Variants in TPRX1 observed in about 807,000 individuals in gnomAD.
TPRX1 encodes tetra-peptide repeat homeobox protein 1.
TPRX1 carries 2 observed loss-of-function variants against 8.1 expected under a neutral mutation model. That is an observed-to-expected ratio of 0.25 (90% confidence interval 0.10 to 0.78). The LOEUF (loss-of-function observed/expected upper bound fraction) is 0.78. Among genes scored for constraint, TPRX1 ranks in the 30% least tolerant of loss-of-function variants. TPRX1 has a pLI of 0.70. For synonymous variants in TPRX1, 257 were observed against 254.1 expected, an observed-to-expected ratio of 1.01 and a Z score of -0.11; for missense variants, 517 against 586.9, an observed-to-expected ratio of 0.88 and a Z score of 1.23.
At chr19:47,817,015 T>C (rs1967850175) in intron 2 of TPRX1, among the ~76,000 whole-genome samples, 1 of 152,238 alleles carries the variant, frequency 6.6e-6, no homozygotes, top group Admixed American at 6.5e-5. Flanking sequence ...ATCAGTGTCC[T>C]TGCCCTGGGG....
At chr19:47,813,936 A>G in intron 2 of TPRX1, among the ~76,000 whole-genome samples, 1 of 100,814 alleles carries the variant, frequency 9.9e-6, no homozygotes, top group East Asian at 3.2e-4. Flanking sequence ...CAGAGGGGAC[A>G]GAGAAGGGCG....
At chr19:47,801,522 C>G (rs1358327347) in exon 4 of TPRX1, 2 of 445,762 alleles carry the variant, frequency 4.5e-6, no homozygotes, top group African/African-American at 2.0e-5. Flanking sequence ...TCTCGAGCAG[C>G]ATCCACTAAT....
chr19:47,815,646 C>CA (rs34265596), intron 2 of TPRX1, among the ~76,000 whole-genome samples: 2,578 of 60,266 alleles, frequency 0.043, 192 homozygotes, highest in African/African-American at 0.11. Flanking sequence ...CCCGTCTCTA[C>CA]AAAAAAAAAA....
At chr19:47,802,105 T>C in exon 4 of TPRX1, 1 of 1,588,502 alleles carries the variant, frequency 6.3e-7, no homozygotes, top group Admixed American at 1.8e-5. Flanking sequence ...AAATCGGGGC[T>C]AGGCCTGGAA....
intron 2 of TPRX1, among the ~76,000 whole-genome samples, chr19:47,805,881 C>T (rs553952200): frequency 6.6e-6 from 1 of 152,110 alleles, no homozygotes; most frequent in African/African-American, 2.4e-5. Flanking sequence ...TCACTATCGC[C>T]CAAAAGGAGA....
chr19:47,818,520 C>T (rs1194012664), exon 2 of TPRX1: 1 of 456,070 alleles, frequency 2.2e-6, no homozygotes, highest in East Asian at 6.9e-5. Context: ...GAGAACAAGA[C>T]AGACAGGGCC....
chr19:47,813,678 A>C lies in TPRX1; in HGVS notation c.151+4790T>G, dbSNP rs774277255. On this transcript the variant is annotated intron_variant, in intron 2 of 3. Coordinates refer to ENST00000535759, the Ensembl canonical transcript of TPRX1. ...GTCCCTTGTGGGGTCCCAGTGTGTG[A>C]GTTGCTTTGTGTCTACCCCCTTCCA... 6.7e-5 allele frequency among the ~76,000 whole-genome samples: 10 copies of C among 150,290 alleles called. No individual in the cohort carries two copies. In the South Asian group the frequency reaches 8.4e-4, roughly 13 times the overall value.
exon 4 of TPRX1, chr19:47,801,730 C>G (rs1967664612): frequency 3.4e-6 from 5 of 1,486,896 alleles, no homozygotes; most frequent in Non-Finnish European, 3.6e-6. Context: ...AGATCAGCCA[C>G]TCCAGGCCCT....
rs200596763 is a variant in TPRX1, at chr19:47,801,819, C to T, written c.1483G>A (p.Val495Met). 6.2e-4 allele frequency: 1,007 copies of T among 1,613,998 alleles called. 15 individuals carry two copies. The South Asian group carries it at 8.0e-3, about 13-fold the overall frequency. Residue 495 changes from valine (V) to methionine (M), a missense_variant, in exon 4 of 4, where the codon GTG becomes ATG. Transcript: ENST00000535759. Reference sequence around the variant, plus strand: ...CTGGGGCCTGAGTGATTTTCATTCACAGAGCCACCCTCCTCTTGGGGCTGA... The same window carrying T: ...CTGGGGCCTGAGTGATTTTCATTCATAGAGCCACCCTCCTCTTGGGGCTGA...
chr19:47,818,972 C>T, exon 1 of TPRX1: 1 of 257,412 alleles, frequency 3.9e-6, no homozygotes, highest in South Asian at 4.7e-5. Flanking sequence ...CAATTCTCAC[C>T]TATGAGCGAG....
intron 2 of TPRX1, among the ~76,000 whole-genome samples, chr19:47,814,257 G>C (rs1234706710): frequency 6.6e-6 from 1 of 152,070 alleles, no homozygotes; most frequent in African/African-American, 2.4e-5. Context: ...GTTTCACCGT[G>C]TTGGCCAGGC....
chr19:47,816,567 C>T (rs1312833448), intron 2 of TPRX1, among the ~76,000 whole-genome samples: 1 of 143,140 alleles, frequency 7.0e-6, no homozygotes, highest in African/African-American at 2.6e-5. Context: ...GAGTCTCACG[C>T]CGTCGCCCAG....
chr19:47,803,460 C>A lies in TPRX1; in HGVS notation c.321+44G>T, dbSNP rs535322208. 3.9e-3 allele frequency: 4,095 copies of A among 1,043,744 alleles called. 80 individuals carry two copies. The highest frequency in any genetic ancestry group is 4.3e-3 in the Non-Finnish European group (3,254 of 764,630). The allele number at this position is 1,043,744 out of a possible 1,614,324, so 64.7% of individuals were successfully genotyped here. ...GGTGAGTGACAGCGGTGGGGAGGCT[C>A]CTTGGGGTGACTGGGGCGGGCAGGG... On this transcript the variant is annotated intron_variant, in intron 3 of 3. Transcript: ENST00000535759.
chr19:47,802,165 T>G, exon 4 of TPRX1: 1 of 1,603,290 alleles, frequency 6.2e-7, no homozygotes, highest in South Asian at 1.1e-5. Context: ...GACCTGGGCC[T>G]TGGAGTCTGC....
intron 2 of TPRX1, among the ~76,000 whole-genome samples, chr19:47,816,576 A>C (rs912528301): frequency 8.1e-6 from 1 of 124,068 alleles, no homozygotes; most frequent in Non-Finnish European, 1.6e-5. Context: ...GCCGTCGCCC[A>C]GGCTGGAGTG....
chr19:47,809,634 G>A (rs1967764862), intron 2 of TPRX1, among the ~76,000 whole-genome samples: 2 of 152,132 alleles, frequency 1.3e-5, no homozygotes, highest in South Asian at 4.1e-4. Flanking sequence ...TAATTACCCA[G>A]AGATGACGCG....
At chr19:47,817,942 G>A (rs536284240) in intron 2 of TPRX1, among the ~76,000 whole-genome samples, 1 of 152,362 alleles carries the variant, frequency 6.6e-6, no homozygotes, top group East Asian at 1.9e-4. Context: ...GTGAGGACAA[G>A]GAGCTGAGTG....
chr19:47,808,561 G>A (rs1295107732), intron 2 of TPRX1, among the ~76,000 whole-genome samples: 3 of 151,340 alleles, frequency 2.0e-5, no homozygotes, highest in Middle Eastern at 3.4e-3. Context: ...TGCCTTCCGA[G>A]TAGCTGGGAC....
At chr19:47,809,660 C>CT (rs1967765092) in intron 2 of TPRX1, among the ~76,000 whole-genome samples, 1 of 152,186 alleles carries the variant, frequency 6.6e-6, no homozygotes, top group Admixed American at 6.6e-5. Context: ...TCTATTTTCT[C>CT]TATTTCCTGC....
Sources: allele counts gnomAD v4.1 joint callset (sites outside exome capture counted in the v4.1 genomes callset), GRCh38; gene constraint gnomAD v4.1.1; transcripts MANE v1.5; gene names NCBI Gene and HGNC (gene_info 2026-07-23, HGNC 2026-07-21).